The following KLF8 variants were observed in gnomAD, a reference collection of about 807,000 sequenced individuals.
KLF8 encodes the protein Krueppel-like factor 8.
A neutral mutation model predicts 18.2 loss-of-function variants in KLF8; 10 were observed. The observed-to-expected ratio is 0.55, with a 90% CI of 0.34 to 0.93. The LOEUF (loss-of-function observed/expected upper bound fraction) is 0.93, where lower values mean the gene tolerates loss of function less well. Among genes scored for constraint, KLF8 ranks in the 40% least tolerant of loss-of-function variants. The pLI is 0.02. For synonymous variants in KLF8, 109 were observed against 97.3 expected, an observed-to-expected ratio of 1.12 and a Z score of -0.71; for missense variants, 264 against 277.9, an observed-to-expected ratio of 0.95 and a Z score of 0.36.
chrX:56,068,168 C>T, the KLF8 span, among the ~76,000 whole-genome samples: 1 of 112,049 alleles, frequency 8.9e-6, no homozygotes, highest in Non-Finnish European at 1.9e-5. Context: ...AATGTCAATG[C>T]TTGCTAGAGC....
the KLF8 span, among the ~76,000 whole-genome samples, chrX:56,162,552 A>G: frequency 1.8e-5 from 2 of 111,756 alleles, no homozygotes; most frequent in African/African-American, 3.3e-5. Flanking sequence ...CTCTGTGGGC[A>G]TGGGACCCTC....
intron 1 of KLF8, among the ~76,000 whole-genome samples, chrX:56,237,979 C>A (rs1478373823): frequency 9.0e-6 from 1 of 111,613 alleles, no homozygotes; most frequent in Non-Finnish European, 1.9e-5. Flanking sequence ...AGAACCTCAC[C>A]TTTATGAGCT....
the KLF8 span, among the ~76,000 whole-genome samples, chrX:56,010,236 G>A: frequency 1.8e-5 from 2 of 111,652 alleles, no homozygotes; most frequent in Non-Finnish European, 3.8e-5. Flanking sequence ...CCTACAAATG[G>A]AAGCCCATCA....
chrX:56,185,579 C>T, the KLF8 span, among the ~76,000 whole-genome samples: 1 of 111,497 alleles, frequency 9.0e-6, no homozygotes, highest in Non-Finnish European at 1.9e-5. Context: ...TTGTCAGATT[C>T]TCCAAAGTTG....
chrX:55,957,350 C>T, the KLF8 span, among the ~76,000 whole-genome samples: 3 of 111,841 alleles, frequency 2.7e-5, no homozygotes, highest in African/African-American at 6.5e-5. Flanking sequence ...TTGTTCTTCT[C>T]GAAAATGGCT....
At chrX:55,997,009 G>T in the KLF8 span, among the ~76,000 whole-genome samples, 11 of 112,042 alleles carry the variant, frequency 9.8e-5, no homozygotes, top group South Asian at 3.8e-4. Context: ...ACAAAGCAGT[G>T]GGGGGAGGCT....
intron 1 of KLF8, among the ~76,000 whole-genome samples, chrX:56,241,552 A>G (rs1472329136): frequency 8.9e-6 from 1 of 112,420 alleles, no homozygotes; most frequent in African/African-American, 3.2e-5. Flanking sequence ...CTTGACATCA[A>G]TCTCACAGGT....
At chrX:56,136,166 C>T in the KLF8 span, among the ~76,000 whole-genome samples, 3 of 111,558 alleles carry the variant, frequency 2.7e-5, no homozygotes, top group Non-Finnish European at 5.7e-5. Context: ...GTGAAAATGA[C>T]CATACTGCCC....
chrX:55,946,022 C>T, the KLF8 span, among the ~76,000 whole-genome samples: 3 of 111,500 alleles, frequency 2.7e-5, no homozygotes, highest in Non-Finnish European at 5.7e-5. Flanking sequence ...CACGCTCTTG[C>T]ATAGGAAGAA....
At chrX:55,917,806 AATTCTATGAAAT>A in the KLF8 span, among the ~76,000 whole-genome samples, 1 of 112,052 alleles carries the variant, frequency 8.9e-6, no homozygotes, top group African/African-American at 3.2e-5. Context: ...TCTTCAGTAC[AATTCTATGAAAT>A]ATTATTGCTC....
the KLF8 span, among the ~76,000 whole-genome samples, chrX:56,026,155 T>A: frequency 8.9e-6 from 1 of 111,990 alleles, no homozygotes; most frequent in Non-Finnish European, 1.9e-5. Context: ...TGCTGTGTGA[T>A]CCAGGCCAGG....
the KLF8 span, among the ~76,000 whole-genome samples, chrX:56,001,028 C>T: frequency 9.0e-6 from 1 of 111,661 alleles, no homozygotes; most frequent in South Asian, 3.8e-4. Flanking sequence ...GCACCACAGC[C>T]ATATTTACAC....
chrX:56,227,405 C>T (rs1191418876), upstream of KLF8, among the ~76,000 whole-genome samples: 3 of 107,968 alleles, frequency 2.8e-5, no homozygotes, highest in Non-Finnish European at 5.7e-5. Flanking sequence ...GGCTGGAGTG[C>T]AGTGGTGCGA....
the KLF8 span, among the ~76,000 whole-genome samples, chrX:56,157,410 T>C: frequency 1.8e-5 from 2 of 110,731 alleles, no homozygotes; most frequent in African/African-American, 3.3e-5. Flanking sequence ...AAAAAAGATA[T>C]GGGATGGCTG....
At chrX:56,056,800 T>TA in the KLF8 span, among the ~76,000 whole-genome samples, 115 of 42,000 alleles carry the variant, frequency 2.7e-3, no homozygotes, top group African/African-American at 5.9e-3. Flanking sequence ...AAAGTATATA[T>TA]AAAAAAAAAA....
the KLF8 span, among the ~76,000 whole-genome samples, chrX:55,943,333 A>T: frequency 3.6e-5 from 4 of 110,763 alleles, no homozygotes; most frequent in Non-Finnish European, 7.6e-5. Context: ...ACAACACGGT[A>T]CTAGATTAGA....
the KLF8 span, among the ~76,000 whole-genome samples, chrX:56,133,588 C>A: frequency 8.1e-5 from 9 of 111,329 alleles, no homozygotes; most frequent in Non-Finnish European, 1.7e-4. Context: ...GAAAGCATTC[C>A]CTCTGAGAAC....
At chrX:55,935,374 C>T in the KLF8 span, among the ~76,000 whole-genome samples, 2 of 111,798 alleles carry the variant, frequency 1.8e-5, no homozygotes, top group East Asian at 5.6e-4. Flanking sequence ...AATGTGTGAT[C>T]TCAAGCCCCA....
intron 2 of KLF8, among the ~76,000 whole-genome samples, chrX:56,255,126 A>G (rs761160666): frequency 8.9e-6 from 1 of 112,493 alleles, no homozygotes; most frequent in African/African-American, 3.2e-5. Context: ...CATTGTAGAC[A>G]TCTCCCACTT....
Sources: allele counts gnomAD v4.1 joint callset (sites outside exome capture counted in the v4.1 genomes callset), GRCh38; gene constraint gnomAD v4.1.1; transcripts MANE v1.5; gene names NCBI Gene and HGNC (gene_info 2026-07-23, HGNC 2026-07-21).